The following BBOF1 variants were observed in gnomAD, a reference collection of about 807,000 sequenced individuals.
The protein encoded by BBOF1 is basal body orientation factor 1, also known as basal body-orientation factor 1.
BBOF1 carries 62 observed loss-of-function variants against 68.0 expected under a neutral mutation model. That is an observed-to-expected ratio of 0.91 (90% confidence interval 0.74 to 1.13). The LOEUF (loss-of-function observed/expected upper bound fraction) is 1.13, where lower values mean the gene tolerates loss of function less well. Ranked by LOEUF, BBOF1 falls within the 50% of genes most tolerant of loss-of-function variation. The probability of loss-of-function intolerance (pLI) is 0.00; values close to 1 mark genes in which losing one functional copy is unlikely to be tolerated. For missense variants in BBOF1, 534 were observed against 600.1 expected, an observed-to-expected ratio of 0.89 and a Z score of 1.15; for synonymous variants, 208 against 198.8, an observed-to-expected ratio of 1.05 and a Z score of -0.39.
intron 4 of BBOF1, 71 bp from the exon 5 acceptor site, chr14:74,040,494 T>G (rs2059806631): frequency 1.1e-6 from 1 of 917,778 alleles, no homozygotes; most frequent in South Asian, 1.6e-5. Context: ...TATTGATAAT[T>G]TTCTGAGAAT....
intron 2 of BBOF1, among the ~76,000 whole-genome samples, chr14:74,024,879 A>G (rs1241865720): frequency 1.3e-5 from 2 of 152,154 alleles, no homozygotes; most frequent in Non-Finnish European, 2.9e-5. Context: ...CTGACATTAC[A>G]GGCATGAGCA....
intron 8 of BBOF1, among the ~76,000 whole-genome samples, chr14:74,050,475 A>G (rs780045623): frequency 2.0e-5 from 3 of 152,200 alleles, no homozygotes; most frequent in Non-Finnish European, 4.4e-5. Context: ...TATAAGATAT[A>G]TAAGGTCATT....
chr14:74,067,406 T>C (rs2139774542), downstream of BBOF1: 1 of 1,613,776 alleles, frequency 6.2e-7, no homozygotes, highest in East Asian at 2.2e-5. Flanking sequence ...GTTTTTGGCA[T>C]GCTCCACCAG....
intron 4 of BBOF1, among the ~76,000 whole-genome samples, chr14:74,036,094 T>C (rs1452886915): frequency 6.6e-6 from 1 of 151,900 alleles, no homozygotes; most frequent in Non-Finnish European, 1.5e-5. Flanking sequence ...GTTGCTCTAT[T>C]GCCCACGCTA....
Position 74,065,192 on chromosome 14 carries a change from C to A in BBOF1, c.*493C>A. On this transcript the variant is annotated 3_prime_UTR_variant, in exon 12 of 12. Transcript: ENST00000394009. ...TTCTGTTCACGAACCTGTCCAACAT[C>A]CACCAAGTGGGCATATTTCCGAGCA... 1.2e-6 allele frequency: 2 copies of A among 1,614,144 alleles called. No homozygotes were observed. The highest frequency in any genetic ancestry group is 1.7e-6 in the Non-Finnish European group (2 of 1,180,016).
In BBOF1 at chr14:74,047,964, GA is replaced by G. The variant is rs758619996; in HGVS notation, c.683del (p.Glu228GlyfsTer13). The G allele has an allele frequency of 6.2e-7, 1 of 1,610,732 alleles. No individual in the cohort carries two copies. The highest frequency in any genetic ancestry group is 1.7e-5 in the Admixed American group (1 of 59,250). ...CGATGCTGGAAGAAATGTTTTTAAA[GA>G]GAATGATTATCTTCAGAAAGCTCTG... The part of the protein sequence containing the change: ...LNDAGRNVFK[E>X]NDYLQKALAY... On this transcript the variant is annotated frameshift_variant, in exon 7 of 12. Coordinates refer to ENST00000394009, the MANE Select transcript of BBOF1 (RefSeq NM_025057.3). LOFTEE classifies it high-confidence loss of function.
At chr14:74,069,815 AT>A (rs1286141965), downstream of BBOF1, among the ~76,000 whole-genome samples, 1 of 139,518 alleles carries the variant, frequency 7.2e-6, no homozygotes, top group Non-Finnish European at 1.6e-5. Context: ...GATTTTTCTC[AT>A]TTGCTATTCC....
chr14:74,067,246 G>C (rs367805736), downstream of BBOF1: 14 of 1,076,666 alleles, frequency 1.3e-5, no homozygotes, highest in East Asian at 9.5e-5. Context: ...GACTCCAAAT[G>C]ACAAGTACAG....
intron 5 of BBOF1, among the ~76,000 whole-genome samples, chr14:74,044,491 T>TA (rs2059904482): frequency 6.7e-6 from 1 of 148,436 alleles, no homozygotes; most frequent in Admixed American, 6.8e-5. Context: ...TTTTTTTTTT[T>TA]AAACAGAGTC....
downstream of BBOF1, chr14:74,067,378 A>C: frequency 6.2e-7 from 1 of 1,612,818 alleles, no homozygotes; most frequent in Non-Finnish European, 8.5e-7. Context: ...GTGATTGATT[A>C]CCTGCATTGA....
intron 1 of BBOF1, 38 bp downstream of exon 1, chr14:74,019,572 C>T (rs1413206116): frequency 5.8e-6 from 9 of 1,561,760 alleles, no homozygotes; most frequent in Admixed American, 3.9e-5. Flanking sequence ...TCTCCCTGGG[C>T]CTGCCTGGGA....
At chr14:74,038,126 A>G (rs2059750905) in intron 4 of BBOF1, among the ~76,000 whole-genome samples, 1 of 152,080 alleles carries the variant, frequency 6.6e-6, no homozygotes, top group Admixed American at 6.6e-5. Context: ...GATTGCACTC[A>G]CTTGAGGTGT....
At chr14:74,061,121 G>A (rs2060330787) in intron 11 of BBOF1, among the ~76,000 whole-genome samples, 1 of 151,356 alleles carries the variant, frequency 6.6e-6, no homozygotes, top group South Asian at 2.1e-4. Context: ...GGGATTACAG[G>A]CACCTGCTAC....
chr14:74,043,974 G>A (rs978361266), intron 5 of BBOF1, among the ~76,000 whole-genome samples: 6 of 152,122 alleles, frequency 3.9e-5, no homozygotes, highest in African/African-American at 9.6e-5. Flanking sequence ...GGCTGGGCAC[G>A]GTGGCTCACG....
At chr14:74,063,929 G>GCA (rs2060406828) in intron 11 of BBOF1, among the ~76,000 whole-genome samples, 1 of 151,792 alleles carries the variant, frequency 6.6e-6, no homozygotes, top group African/African-American at 2.4e-5. Flanking sequence ...GCTTAGCTGG[G>GCA]ATTTGAACAC....
chr14:74,062,559 C>A (rs2060371251), intron 11 of BBOF1, among the ~76,000 whole-genome samples: 1 of 152,108 alleles, frequency 6.6e-6, no homozygotes, highest in Non-Finnish European at 1.5e-5. Flanking sequence ...CAAGATCATG[C>A]CACTATACTC....
intron 5 of BBOF1, among the ~76,000 whole-genome samples, chr14:74,041,376 TC>T (rs1016216308): frequency 6.6e-6 from 1 of 152,200 alleles, no homozygotes; most frequent in Non-Finnish European, 1.5e-5. Context: ...AAGTTAACTC[TC>T]CAAATTGTGG....
At chr14:74,079,918 G>A (rs1033688845) in intron 10 of BBOF1, among the ~76,000 whole-genome samples, 1 of 152,046 alleles carries the variant, frequency 6.6e-6, no homozygotes, top group Non-Finnish European at 1.5e-5. Context: ...TGCACCTGTG[G>A]TCCCAGGTAC....
At chr14:74,031,097 C>T (rs943122650) in intron 3 of BBOF1, among the ~76,000 whole-genome samples, 1 of 151,040 alleles carries the variant, frequency 6.6e-6, no homozygotes, top group Admixed American at 6.6e-5. Flanking sequence ...TATGTAGAGA[C>T]ATTCCCTTTT....
Sources: allele counts gnomAD v4.1 joint callset (sites outside exome capture counted in the v4.1 genomes callset), GRCh38; gene constraint gnomAD v4.1.1; transcripts MANE v1.5; gene names NCBI Gene and HGNC (gene_info 2026-07-23, HGNC 2026-07-21).